The following PKHD1L1 variants were observed in gnomAD, a reference collection of about 807,000 sequenced individuals.
PKHD1L1 encodes fibrocystin-L.
In PKHD1L1, 434 loss-of-function variants were observed where a neutral mutation model predicts 462.9. That is an observed-to-expected ratio of 0.94 (90% CI 0.87 to 1.02). The LOEUF is 1.02. Among genes scored for constraint, PKHD1L1 ranks in the 50% least tolerant of loss-of-function variants. The pLI, the probability that PKHD1L1 is intolerant of heterozygous loss-of-function variation, is 0.00. For missense variants in PKHD1L1, 5,202 were observed against 5,096.1 expected (o/e 1.02, Z -0.63); for synonymous variants, 1,781 against 1,750.0 (o/e 1.02, Z -0.44).
Position 109,510,804 on chromosome 8 carries a change from G to T in PKHD1L1, c.11423G>T (p.Gly3808Val), listed in dbSNP as rs1218034967. 1 of 1,613,206 alleles carries T rather than the reference G, an allele frequency of 6.2e-7. No individual in the cohort carries two copies. Among genetic ancestry groups the T allele is most frequent in the Non-Finnish European group, 8.5e-7 (1 of 1,179,406 alleles). The change falls in exon 71 of 78, where the codon GGA (glycine) becomes GTA (valine). Residue 3808 changes from glycine to valine, a missense_variant. Gly to Val is a moderately radical substitution (Grantham distance 109). This residue lies in a region of PKHD1L1 where 698 missense variants were observed against 736.3 expected (regional missense o/e 0.95). Coordinates refer to ENST00000378402, the MANE Select transcript of PKHD1L1 (RefSeq NM_177531.6). ...NGPQDHGWCA[G>V]YTCQRRLSLF... ...CCACAGGATCATGGCTGGTGTGCTG[G>T]ATATACATGCCAGAGAAGGCTGTCC...
chr8:109,440,857 G>A lies in PKHD1L1; in HGVS notation c.4099+5G>A. On this transcript the variant is annotated splice_donor_5th_base_variant and intron_variant, in intron 33 of 77. Transcript: ENST00000378402. ...CTGAGAATACCGTGCTGTTAGGTAAGAGCTTCATTCATAGGAAAGTGATTA... is the reference window on the plus strand; with the variant it reads ...CTGAGAATACCGTGCTGTTAGGTAAAAGCTTCATTCATAGGAAAGTGATTA... 3 of 1,611,298 alleles carry A rather than the reference G, an allele frequency of 1.9e-6. No homozygotes were observed. Among genetic ancestry groups the A allele is most frequent in the South Asian group, 1.1e-5 (1 of 90,632 alleles).
In PKHD1L1 at chr8:109,445,415, T is replaced by C. The variant is rs369579111; in HGVS notation, c.5546T>C (p.Leu1849Pro). 12 of 1,613,876 alleles carry C rather than the reference T, an allele frequency of 7.4e-6. No individual in the cohort carries two copies. In the African/African-American group the frequency reaches 1.3e-4, roughly 18 times the overall value. Residue 1849 changes from leucine (L) to proline (P), a missense_variant, in exon 38 of 78, where the codon CTG becomes CCG. Coordinates refer to ENST00000378402, the MANE Select transcript of PKHD1L1 (RefSeq NM_177531.6). ...TSGSIGGGTT[L>P]VITGNGFYPG... The stretch of plus-strand genomic sequence containing the variant: ...GGAAGCATTGGTGGTGGAACTACAC[T>C]GGTGATCACAGGAAATGGCTTCTAT...
intron 27 of PKHD1L1, among the ~76,000 whole-genome samples, chr8:109,430,952 C>T (rs1156539300): frequency 6.7e-6 from 1 of 150,134 alleles, no homozygotes; most frequent in East Asian, 1.9e-4. Flanking sequence ...TCCACTCTTG[C>T]ATTTTGTAAT....
In PKHD1L1 at chr8:109,452,194, C is replaced by T; in HGVS notation, c.6421C>T (p.His2141Tyr). ...KCDVEYSNKT[H>Y]IICMTDAHTL... ...TGATGTTGAGTATTCCAACAAGACA[C>T]ACATCATCTGCATGACAGATGCCCA... is the stretch of plus-strand genomic sequence containing the variant. Residue 2141 changes from histidine to tyrosine, a missense_variant, in exon 42 of 78, where the codon CAC (histidine) becomes TAC (tyrosine). Physicochemically the swap from His to Tyr is moderately conservative, Grantham distance 83. Transcript: ENST00000378402. 2.5e-6 allele frequency: 4 copies of T among 1,613,352 alleles called. No individual in the cohort carries two copies. The highest frequency in any genetic ancestry group is 3.4e-6 in the Non-Finnish European group (4 of 1,179,600).
At chr8:109,454,269 T>G in intron 44 of PKHD1L1, 23 bp downstream of exon 44, 1 of 1,508,324 alleles carries the variant, frequency 6.6e-7, no homozygotes, top group African/African-American at 1.4e-5. Context: ...ACATAATACA[T>G]ATTCATTTCC....
At position 109,433,190 on chromosome 8, in the gene PKHD1L1, T is replaced by C. The variant is rs371595470; in HGVS notation, c.3314T>C (p.Val1105Ala). The change falls in exon 28 of 78, where the codon GTA becomes GCA. Residue 1105 changes from valine (V) to alanine (A), a missense_variant. By Grantham distance (64) the Val-to-Ala change is moderately conservative. This residue lies in a region of PKHD1L1 where 4,497 missense variants were observed against 4,336.8 expected (regional missense o/e 1.04). Transcript: ENST00000378402. ...SSAVTVSVGPVGCSLLSVDEK... is the reference protein window; with the variant it reads ...SSAVTVSVGPAGCSLLSVDEK... ...GCTGTAACAGTCTCAGTTGGACCAG[T>C]AGGTTGTTCTCTTCTTTCTGTGGAT... 6.2e-7 allele frequency: 1 copy of C among 1,613,034 alleles called. No homozygotes were observed. Among genetic ancestry groups the C allele is most frequent in the Non-Finnish European group, 8.5e-7 (1 of 1,179,150 alleles).
chr8:109,459,765 T>C lies in PKHD1L1; in HGVS notation c.7175T>C (p.Ile2392Thr), dbSNP rs200232304. ...RAEVGILTRN[I>T]LIRGSDNVEW... ...GAAGTTGGAATTCTTACAAGAAATA[T>C]TTTAATAAGAGGATCTGATAATGTT... The change falls in exon 47 of 78, where the codon ATT becomes ACT. Residue 2392 changes from isoleucine (I) to threonine (T), a missense_variant. Physicochemically the swap from Ile to Thr is moderately conservative, Grantham distance 89. Transcript: ENST00000378402. 221 of 1,611,478 alleles carry C rather than the reference T, an allele frequency of 1.4e-4. No individual in the cohort carries two copies. Among genetic ancestry groups the C allele is most frequent in the Middle Eastern group, 3.3e-4 (2 of 6,050 alleles).
intron 76 of PKHD1L1, among the ~76,000 whole-genome samples, chr8:109,525,866 A>G (rs935950669): frequency 6.6e-6 from 1 of 152,190 alleles, no homozygotes; most frequent in Non-Finnish European, 1.5e-5. Flanking sequence ...ATGAATTGCA[A>G]TTGTTCATGA....
chr8:109,431,565 T>A (rs1296988284), intron 27 of PKHD1L1, among the ~76,000 whole-genome samples: 1 of 152,206 alleles, frequency 6.6e-6, no homozygotes, highest in African/African-American at 2.4e-5. Context: ...TTGCCAGTTT[T>A]GTAAGCTTAC....
Position 109,507,779 on chromosome 8 carries a change from A to G in PKHD1L1, c.11111A>G (p.Glu3704Gly). 6.2e-7 allele frequency: 1 copy of G among 1,613,538 alleles called. No homozygotes were observed. The highest frequency in any genetic ancestry group is 8.5e-7 in the Non-Finnish European group (1 of 1,179,682). Residue 3704 changes from glutamate (E) to glycine (G), a missense_variant, in exon 69 of 78, where the codon GAA becomes GGA. Glu to Gly is a moderately conservative substitution (Grantham distance 98). Around this residue, in one of 3 missense-constraint regions of PKHD1L1, gnomAD observed 698 missense variants for 736.3 expected, o/e 0.95. Coordinates refer to ENST00000378402, the MANE Select transcript of PKHD1L1 (RefSeq NM_177531.6). Reference protein sequence around the residue: ...GNAGSVIPQAEYEWDGNSQVG... With the variant: ...GNAGSVIPQAGYEWDGNSQVG... Reference sequence around the variant, plus strand: ...GCTGGTTCTGTGATACCTCAAGCAGAATATGAATGGGACGGAAACAGCCAA... The same window carrying G: ...GCTGGTTCTGTGATACCTCAAGCAGGATATGAATGGGACGGAAACAGCCAA...
chr8:109,492,042 T>C, intron 62 of PKHD1L1, 48 bp downstream of exon 62: 1 of 1,295,682 alleles, frequency 7.7e-7, no homozygotes, highest in African/African-American at 1.5e-5. Context: ...TTATATCAGT[T>C]ATTGAAAAAT....
At position 109,405,104 on chromosome 8, in the gene PKHD1L1, G is replaced by T; in HGVS notation, c.1643G>T (p.Arg548Ile). ...AATTCATGTTCACTTTACCAATATA[G>T]ATTAATCTATAATATGGAAAAAACT... ...EANSCSLYQY[R>I]LIYNMEKTVF... The change falls in exon 16 of 78, where the codon AGA becomes ATA. Residue 548 changes from arginine (R) to isoleucine (I), a missense_variant. Arg to Ile is a moderately conservative substitution (Grantham distance 97). Transcript: ENST00000378402. The T allele has an allele frequency of 6.7e-7, 1 of 1,499,982 alleles. No individual in the cohort carries two copies. The highest frequency in any genetic ancestry group is 9.1e-7 in the Non-Finnish European group (1 of 1,098,516). 92.9% of individuals were successfully genotyped at this position (1,499,982 alleles called of 1,614,324 possible). A position where few individuals can be genotyped will look rare whatever the true frequency, so the allele number is the denominator to read the frequency against.
At chr8:109,379,243 A>T (rs1326432080) in intron 2 of PKHD1L1, among the ~76,000 whole-genome samples, 1 of 152,196 alleles carries the variant, frequency 6.6e-6, no homozygotes, top group Admixed American at 6.5e-5. Flanking sequence ...GAAAGAACAG[A>T]GATCGACTGC....
Position 109,456,261 on chromosome 8 carries a change from GGTGTGCCT to G in PKHD1L1, c.6877_6884del (p.Val2293SerfsTer31). The G allele has an allele frequency of 6.2e-7, 1 of 1,611,862 alleles. No homozygotes were observed. On this transcript the variant is annotated frameshift_variant and splice_region_variant, in exon 46 of 78. Coordinates refer to ENST00000378402, the MANE Select transcript of PKHD1L1 (RefSeq NM_177531.6). LOFTEE classifies it high-confidence loss of function. ...ATACTCAGTGTGTATGTTGGTTCTA[GGTGTGCCT>G]GTTCCTGTGACCTGGACTCGCTTGG... is the stretch of plus-strand genomic sequence containing the variant.
chr8:109,463,919 A>G (rs1817274342), intron 48 of PKHD1L1, among the ~76,000 whole-genome samples: 1 of 152,170 alleles, frequency 6.6e-6, no homozygotes, highest in Non-Finnish European at 1.5e-5. Context: ...GAAGTCTTTC[A>G]AGATGTTTTA....
At position 109,497,027 on chromosome 8, in the gene PKHD1L1, T is replaced by C; in HGVS notation, c.10436T>C (p.Phe3479Ser). Residue 3479 changes from phenylalanine (F) to serine (S), a missense_variant, in exon 64 of 78, where the codon TTT (phenylalanine) becomes TCT (serine). Phe to Ser is a radical substitution (Grantham distance 155). Coordinates refer to ENST00000378402, the MANE Select transcript of PKHD1L1 (RefSeq NM_177531.6). ...GLPGCSLIQG[F>S]TIWTCWDYGI... ...CCTGGATGTTCTCTTATACAAGGAT[T>C]TACCATTTGGACATGCTGGGATTAT... The C allele has an allele frequency of 6.2e-7, 1 of 1,613,704 alleles. No individual in the cohort carries two copies. The highest frequency in any genetic ancestry group is 8.5e-7 in the Non-Finnish European group (1 of 1,179,648).
chr8:109,443,969 C>A (rs903552961), intron 37 of PKHD1L1, 67 bp downstream of exon 37: 2 of 1,340,356 alleles, frequency 1.5e-6, no homozygotes, highest in Non-Finnish European at 2.1e-6. Flanking sequence ...TTGACGATAA[C>A]CTTGTTATTT....
At chr8:109,469,375 T>C (rs1376078475) in intron 50 of PKHD1L1, among the ~76,000 whole-genome samples, 1 of 152,098 alleles carries the variant, frequency 6.6e-6, no homozygotes, top group African/African-American at 2.4e-5. Flanking sequence ...GCTGTGCCCC[T>C]TGGTTGAGAG....
chr8:109,474,839 C>G (rs111282643), intron 50 of PKHD1L1, among the ~76,000 whole-genome samples: 2 of 152,210 alleles, frequency 1.3e-5, no homozygotes, highest in African/African-American at 4.8e-5. Context: ...AATAAAGGCT[C>G]CATCTCAATT....
Sources: gnomAD v4.1 joint callset for allele counts (sites outside exome capture counted in the v4.1 genomes callset) on GRCh38, gnomAD v4.1.1 for gene constraint, gnomAD v4.1.1 regional missense constraint, MANE v1.5 for transcripts, NCBI Gene and HGNC (gene_info 2026-07-23, HGNC 2026-07-21) for gene names.